The following RARB variants were observed in gnomAD, a reference collection of about 807,000 sequenced individuals.
RARB encodes HBV-activated protein.
RARB carries 17 observed loss-of-function variants against 51.9 expected under a neutral mutation model. The ratio of observed to expected loss-of-function variants is 0.33; its 90% CI spans 0.22 to 0.49. The LOEUF (loss-of-function observed/expected upper bound fraction) is 0.49, where lower values mean the gene tolerates loss of function less well. Ranked by LOEUF, RARB falls within the 20% of genes least tolerant of loss-of-function variation. The probability of loss-of-function intolerance (pLI) is 0.99; values close to 1 mark genes in which losing one functional copy is unlikely to be tolerated. For synonymous variants in RARB, 215 were observed against 195.4 expected (o/e 1.10, Z -0.84); for missense variants, 369 against 550.8 (o/e 0.67, Z 3.30).
chr3:25,179,522 C>A lies in RARB; in HGVS notation c.178+4947C>A, dbSNP rs956757225. Among the ~76,000 whole-genome samples, 3 of 152,146 alleles carry A rather than the reference C, an allele frequency of 2.0e-5. No homozygotes were observed. In the East Asian group the frequency reaches 5.8e-4, roughly 29 times the overall value. ...TCAAACATAATAGTATCATTTATATCTATGTATCCTTACATTGTTAAACCA... is the reference window on the plus strand; with the variant it reads ...TCAAACATAATAGTATCATTTATATATATGTATCCTTACATTGTTAAACCA... On this transcript the variant is annotated intron_variant, in intron 5 of 11. Transcript: ENST00000383772.
intron 3 of RARB, among the ~76,000 whole-genome samples, chr3:25,515,339 A>G (rs1482160900): frequency 2.6e-5 from 4 of 152,226 alleles, no homozygotes; most frequent in Non-Finnish European, 5.9e-5. Flanking sequence ...AGTATAAATC[A>G]AGCCAAAGTT....
chr3:25,425,493 T>C (rs1203766613), upstream of RARB, among the ~76,000 whole-genome samples: 1 of 152,210 alleles, frequency 6.6e-6, no homozygotes, highest in African/African-American at 2.4e-5. Flanking sequence ...TGATGAGGAA[T>C]GATTAATTGA....
At chr3:25,046,470 T>C (rs1698218247) in intron 2 of RARB, among the ~76,000 whole-genome samples, 1 of 152,166 alleles carries the variant, frequency 6.6e-6, no homozygotes, top group East Asian at 1.9e-4. Flanking sequence ...TTTTTTATTT[T>C]TGAGACAGGG....
intron 2 of RARB, among the ~76,000 whole-genome samples, chr3:24,984,913 C>A (rs550477050): frequency 6.6e-6 from 1 of 152,292 alleles, no homozygotes; most frequent in South Asian, 2.1e-4. Context: ...CTGTTCTGAG[C>A]TTTGCTGCCA....
intron 1 of RARB, among the ~76,000 whole-genome samples, chr3:25,453,688 T>G (rs889435128): frequency 6.6e-6 from 1 of 152,154 alleles, no homozygotes; most frequent in Non-Finnish European, 1.5e-5. Context: ...GTTCAGCACC[T>G]GTTTCATATG....
At chr3:25,044,394 T>C (rs1196359729) in intron 2 of RARB, among the ~76,000 whole-genome samples, 1 of 152,104 alleles carries the variant, frequency 6.6e-6, no homozygotes. Context: ...CTCTACCAAA[T>C]GTATCCAGAC....
At chr3:25,403,944 G>A (rs1026916378) in intron 5 of RARB, among the ~76,000 whole-genome samples, 14 of 142,404 alleles carry the variant, frequency 9.8e-5, no homozygotes, top group Non-Finnish European at 1.8e-4. Context: ...TATAGTTATA[G>A]GCCAAAGCTT....
intron 5 of RARB, among the ~76,000 whole-genome samples, chr3:25,201,387 T>C (rs769347923): frequency 2.6e-5 from 4 of 152,202 alleles, no homozygotes; most frequent in Non-Finnish European, 5.9e-5. Context: ...CAGGGACAAT[T>C]TGACTTTCCC....
chr3:24,956,081 C>A (rs138333690), intron 2 of RARB, among the ~76,000 whole-genome samples: 1 of 152,008 alleles, frequency 6.6e-6, no homozygotes, highest in South Asian at 2.1e-4. Flanking sequence ...GGTTGGACAG[C>A]GGGGTTAGAA....
intron 2 of RARB, among the ~76,000 whole-genome samples, chr3:25,008,902 T>G (rs1697333559): frequency 6.6e-6 from 1 of 152,152 alleles, no homozygotes; most frequent in Non-Finnish European, 1.5e-5. Flanking sequence ...ATTTTTCATC[T>G]CCAGGTTTTC....
chr3:25,109,858 C>G (rs935438835), intron 3 of RARB, among the ~76,000 whole-genome samples: 1 of 152,336 alleles, frequency 6.6e-6, no homozygotes, highest in East Asian at 1.9e-4. Flanking sequence ...CAGCACCTAC[C>G]AGGTGGACTC....
At chr3:24,926,373 T>C (rs1695322021) in intron 2 of RARB, among the ~76,000 whole-genome samples, 1 of 152,150 alleles carries the variant, frequency 6.6e-6, no homozygotes, top group African/African-American at 2.4e-5. Flanking sequence ...CACAACTTGC[T>C]AAATTATGTG....
chr3:25,028,833 CT>C (rs1382086584), intron 2 of RARB, among the ~76,000 whole-genome samples: 17 of 152,150 alleles, frequency 1.1e-4, no homozygotes, highest in Admixed American at 2.6e-4. Flanking sequence ...TGGAAAAGCC[CT>C]GCTGGAGAGT....
chr3:25,490,712 T>G (rs571955878), intron 2 of RARB, among the ~76,000 whole-genome samples: 1 of 152,196 alleles, frequency 6.6e-6, no homozygotes, highest in South Asian at 2.1e-4. Context: ...TTTTTTTCAA[T>G]AAAATAATTG....
chr3:25,245,740 T>C (rs1224568929), intron 5 of RARB, among the ~76,000 whole-genome samples: 1 of 152,178 alleles, frequency 6.6e-6, no homozygotes, highest in Non-Finnish European at 1.5e-5. Flanking sequence ...TTAACATTTT[T>C]TTCCTTCATT....
At chr3:25,278,940 C>G (rs1703456976) in intron 5 of RARB, among the ~76,000 whole-genome samples, 3 of 152,272 alleles carry the variant, frequency 2.0e-5, no homozygotes, top group African/African-American at 7.2e-5. Flanking sequence ...TCCCTGTAAG[C>G]ACAGCACCAA....
At chr3:25,405,963 G>T (rs77627223) in intron 5 of RARB, among the ~76,000 whole-genome samples, 85 of 41,198 alleles carry the variant, frequency 2.1e-3, no homozygotes, top group African/African-American at 8.9e-3. Flanking sequence ...ACACATGTTT[G>T]GTCATTAGTA....
At chr3:25,586,075 G>A (rs572701141) in intron 5 of RARB, among the ~76,000 whole-genome samples, 6 of 152,190 alleles carry the variant, frequency 3.9e-5, no homozygotes, top group South Asian at 4.2e-4. Flanking sequence ...TCACAAGGGC[G>A]CCTCTCTCTG....
At chr3:25,043,196 C>CAAAT (rs1199939966) in intron 2 of RARB, among the ~76,000 whole-genome samples, 11 of 152,266 alleles carry the variant, frequency 7.2e-5, no homozygotes, top group African/African-American at 2.6e-4. Context: ...CATGTTTTGA[C>CAAAT]ACTCATTCTA....
Sources: gnomAD v4.1 joint callset for allele counts (sites outside exome capture counted in the v4.1 genomes callset) on GRCh38, gnomAD v4.1.1 for gene constraint, MANE v1.5 for transcripts, NCBI Gene and HGNC (gene_info 2026-07-23, HGNC 2026-07-21) for gene names.